The following ZNF516 variants were observed in gnomAD, a reference collection of about 807,000 sequenced individuals.
ZNF516 encodes zinc finger protein 516.
In ZNF516, 19 loss-of-function variants were observed where a neutral mutation model predicts 79.7. That is an observed-to-expected ratio of 0.24 (90% CI 0.17 to 0.35). The LOEUF (loss-of-function observed/expected upper bound fraction) is 0.35, where lower values mean the gene tolerates loss of function less well. ZNF516 is among the 10% of genes least tolerant of loss of function. ZNF516 has a pLI of 1.00. For synonymous variants in ZNF516, 877 were observed against 739.5 expected, an observed-to-expected ratio of 1.19 and a Z score of -3.02; for missense variants, 1,678 against 1,679.5, an observed-to-expected ratio of 1.00 and a Z score of 0.02.
rs758723068 is a variant in ZNF516, at chr18:76,379,605, G to A, written c.2509C>T (p.Arg837Cys). 1.4e-5 allele frequency: 22 copies of A among 1,613,534 alleles called. No individual in the cohort carries two copies. Among genetic ancestry groups the A allele is most frequent in the Middle Eastern group, 1.6e-4 (1 of 6,082 alleles). ...GGCATCCCCCCTGGCACCTGAGTGCGGGTGAACCGAGCAAGGAGCAAAGGC... is the reference window on the plus strand; with the variant it reads ...GGCATCCCCCCTGGCACCTGAGTGCAGGTGAACCGAGCAAGGAGCAAAGGC... ...CQPLLLARFT[R>C]TQVPGGMPGS... The change falls in exon 4 of 7, where the codon CGC (arginine) becomes TGC (cysteine). Residue 837 changes from arginine to cysteine, a missense_variant. Around this residue, in one of 5 missense-constraint regions of ZNF516, gnomAD observed 1,294 missense variants for 1,248.3 expected, o/e 1.04. Coordinates refer to ENST00000443185, the MANE Select transcript of ZNF516 (RefSeq NM_014643.4).
intron 3 of ZNF516, among the ~76,000 whole-genome samples, chr18:76,391,234 G>A (rs138830013): frequency 9.2e-5 from 14 of 152,256 alleles, no homozygotes; most frequent in Non-Finnish European, 1.3e-4. Flanking sequence ...GGCTCTGGCC[G>A]AGGAGGGTAC....
At chr18:76,405,406 T>C (rs2075290575) in intron 3 of ZNF516, among the ~76,000 whole-genome samples, 1 of 151,934 alleles carries the variant, frequency 6.6e-6, no homozygotes, top group Admixed American at 6.5e-5. Flanking sequence ...GACAGGACAC[T>C]CAGGAAGGGC....
Position 76,436,024 on chromosome 18 carries a change from T to C in ZNF516, c.1810+5221A>G, listed in dbSNP as rs560940124. On this transcript the variant is annotated intron_variant, in intron 3 of 6. Transcript: ENST00000443185. ...CAGGACAGCCTGTCACCCCTGCACT[T>C]CAGGAGCACCAGAGCAGTCTATGTG... Among the ~76,000 whole-genome samples the C allele has an allele frequency of 1.3e-4, 20 of 152,354 alleles. 1 individual carries two copies. In the South Asian group the frequency reaches 3.5e-3, roughly 27 times the overall value.
chr18:76,422,065 G>A (rs1319116814), intron 3 of ZNF516, among the ~76,000 whole-genome samples: 1 of 152,242 alleles, frequency 6.6e-6, no homozygotes, highest in African/African-American at 2.4e-5. Context: ...ATGAGCAAGT[G>A]AAGGTAAATC....
chr18:76,495,342 C>T (rs1310698458), upstream of ZNF516, among the ~76,000 whole-genome samples: 16 of 144,754 alleles, frequency 1.1e-4, no homozygotes, highest in African/African-American at 3.7e-4. Context: ...CGCGCGCGCC[C>T]CGGACGCGTC....
At chr18:76,401,744 C>T (rs1412972410) in intron 3 of ZNF516, among the ~76,000 whole-genome samples, 1 of 150,492 alleles carries the variant, frequency 6.6e-6, no homozygotes, top group Non-Finnish European at 1.5e-5. Flanking sequence ...CGCATCTCTC[C>T]ACCACCAACC....
chr18:76,416,904 C>T (rs560725081), intron 3 of ZNF516, among the ~76,000 whole-genome samples: 2 of 152,026 alleles, frequency 1.3e-5, no homozygotes, highest in South Asian at 4.2e-4. Flanking sequence ...CTCAAATTAC[C>T]GCTGTTGTTA....
intron 3 of ZNF516, among the ~76,000 whole-genome samples, chr18:76,392,559 G>A (rs985895291): frequency 8.8e-5 from 13 of 146,922 alleles, no homozygotes; most frequent in African/African-American, 2.8e-4. Flanking sequence ...AGGTGGCCAC[G>A]TGGGGGAAAG....
chr18:76,431,901 C>A (rs2075666098), intron 3 of ZNF516, among the ~76,000 whole-genome samples: 1 of 152,208 alleles, frequency 6.6e-6, no homozygotes, highest in Non-Finnish European at 1.5e-5. Context: ...AATGGACTAA[C>A]ACGCAGTGCA....
intron 2 of ZNF516, among the ~76,000 whole-genome samples, chr18:76,458,997 T>G (rs1434282606): frequency 6.6e-6 from 1 of 151,790 alleles, no homozygotes; most frequent in Non-Finnish European, 1.5e-5. Flanking sequence ...TGCCCGAGGG[T>G]GTGTGTGTGT....
rs1422140134 is a variant in ZNF516, at chr18:76,442,537, G to A, written c.518C>T (p.Ala173Val). The change falls in exon 3 of 7, where the codon GCG becomes GTG. Residue 173 changes from alanine to valine, a missense_variant. This residue lies in a region of ZNF516 where 279 missense variants were observed against 254.1 expected (regional missense o/e 1.10). Transcript: ENST00000443185. ...GCTCTTGCAGAAGGAGCACTGGACC[G>A]CTGCCTTGGCCTCCCCCGGGGCGCA... The part of the protein sequence containing the change: ...SACAPGEAKA[A>V]VQCSFCKSQF... The A allele has an allele frequency of 6.3e-7, 1 of 1,599,640 alleles. No homozygotes were observed. The highest frequency in any genetic ancestry group is 8.5e-7 in the Non-Finnish European group (1 of 1,179,426).
At chr18:76,481,214 T>G (rs572170831) in intron 1 of ZNF516, among the ~76,000 whole-genome samples, 4 of 152,312 alleles carry the variant, frequency 2.6e-5, no homozygotes, top group East Asian at 1.9e-4. Context: ...CCAGAAATTT[T>G]TTTGGCATCA....
intron 3 of ZNF516, among the ~76,000 whole-genome samples, chr18:76,417,965 T>C (rs758546294): frequency 6.6e-5 from 10 of 152,232 alleles, no homozygotes; most frequent in Admixed American, 1.3e-4. Context: ...CGTTTTAAAA[T>C]TGAATTATAA....
intron 3 of ZNF516, among the ~76,000 whole-genome samples, chr18:76,399,982 T>C (rs954135178): frequency 1.3e-5 from 2 of 152,162 alleles, no homozygotes; most frequent in African/African-American, 4.8e-5. Flanking sequence ...AGGGTAAGGA[T>C]GTGCCTCTCC....
rs1459373912 is a variant in ZNF516 at position 76,451,075 on chromosome 18, G to C, written c.-157-7864C>G. ...AGACACCAGGGAGGAACAAAGGAGC[G>C]AGAGGAAAACTGAAAGTCCCGTTTC... is the stretch of plus-strand genomic sequence containing the variant. On this transcript the variant is annotated intron_variant, in intron 2 of 6. Coordinates refer to ENST00000443185, the MANE Select transcript of ZNF516 (RefSeq NM_014643.4). This position sits in a 1 kb window ranked among gnomAD's most constrained non-coding sequence, Gnocchi z 6.0. Among the ~76,000 whole-genome samples, 1 of 152,174 alleles carries C rather than the reference G, an allele frequency of 6.6e-6. No individual in the cohort carries two copies. The highest frequency in any genetic ancestry group is 2.4e-5 in the African/African-American group (1 of 41,432).
At chr18:76,474,634 A>G (rs768364997) in intron 1 of ZNF516, among the ~76,000 whole-genome samples, 1 of 152,224 alleles carries the variant, frequency 6.6e-6, no homozygotes, top group Non-Finnish European at 1.5e-5. Context: ...ACAAAAATAT[A>G]ATAAAACCCT....
intron 1 of ZNF516, among the ~76,000 whole-genome samples, chr18:76,484,709 T>A (rs1166148544): frequency 1.3e-5 from 2 of 152,210 alleles, no homozygotes; most frequent in Non-Finnish European, 2.9e-5. Flanking sequence ...GTAAATCATC[T>A]CCCACACACA....
At chr18:76,428,207 G>A (rs2075618940) in intron 3 of ZNF516, among the ~76,000 whole-genome samples, 1 of 151,696 alleles carries the variant, frequency 6.6e-6, no homozygotes, top group African/African-American at 2.4e-5. Context: ...TCAACACAGT[G>A]AAACCCTGTC....
intron 3 of ZNF516, among the ~76,000 whole-genome samples, chr18:76,426,253 CTAAT>C (rs1240042283): frequency 6.6e-6 from 1 of 152,194 alleles, no homozygotes; most frequent in African/African-American, 2.4e-5. Context: ...TCTCCCTCAG[CTAAT>C]TATTCTTCTA....
Sources: allele counts gnomAD v4.1 joint callset (sites outside exome capture counted in the v4.1 genomes callset), GRCh38; gene constraint gnomAD v4.1.1; regional missense constraint gnomAD v4.1.1; non-coding constraint Gnocchi (gnomAD v3.1); transcripts MANE v1.5; gene names NCBI Gene and HGNC (gene_info 2026-07-23, HGNC 2026-07-21).